Variants in FBXL17 observed in about 807,000 individuals in gnomAD.
FBXL17 encodes the protein F-box/LRR-repeat protein 17.
FBXL17 carries 22 observed loss-of-function variants against 66.2 expected under a neutral mutation model. The ratio of observed to expected loss-of-function variants is 0.33; its 90% CI spans 0.24 to 0.47. The LOEUF (loss-of-function observed/expected upper bound fraction) is 0.47. FBXL17 is among the 20% of genes least tolerant of loss of function. The probability of loss-of-function intolerance (pLI) is 1.00; values close to 1 mark genes in which losing one functional copy is unlikely to be tolerated. For synonymous variants in FBXL17, 474 were observed against 400.5 expected, an observed-to-expected ratio of 1.18 and a Z score of -2.19; for missense variants, 878 against 948.2, an observed-to-expected ratio of 0.93 and a Z score of 0.97.
intron 3 of FBXL17, among the ~76,000 whole-genome samples, chr5:108,350,024 T>C (rs1747541336): frequency 6.6e-6 from 1 of 152,234 alleles, no homozygotes; most frequent in Admixed American, 6.5e-5. Flanking sequence ...GTAGTCATCA[T>C]GCTCATTAGC....
chr5:107,900,348 A>T (rs17160708), intron 7 of FBXL17, among the ~76,000 whole-genome samples: 1,553 of 152,256 alleles, frequency 0.01, 18 homozygotes, highest in East Asian at 0.046. Context: ...TCAGGTCAAG[A>T]GAGATGTCTT....
intron 4 of FBXL17, among the ~76,000 whole-genome samples, chr5:108,253,056 G>A (rs1376923095): frequency 6.6e-6 from 1 of 152,102 alleles, no homozygotes; most frequent in Non-Finnish European, 1.5e-5. Flanking sequence ...CCCTCAGCAA[G>A]TTAAAGCAGA....
chr5:108,037,396 T>G (rs1173014974), intron 6 of FBXL17, among the ~76,000 whole-genome samples: 1 of 152,174 alleles, frequency 6.6e-6, no homozygotes, highest in Non-Finnish European at 1.5e-5. Context: ...AATACCATAG[T>G]AAGACAATAT....
chr5:107,859,914 T>C lies in FBXL17; in HGVS notation c.*1806A>G, dbSNP rs1207953659. 2 of 152,190 alleles carry C rather than the reference T, an allele frequency of 1.3e-5. No individual in the cohort carries two copies. Among genetic ancestry groups the C allele is most frequent in the African/African-American group, 2.4e-5 (1 of 41,446 alleles). The allele number at this position is 152,190 out of a possible 1,614,324, so 9.4% of individuals were successfully genotyped here. On this transcript the variant is annotated 3_prime_UTR_variant, in exon 9 of 9. Transcript: ENST00000542267. ...GGTGGGGAAGTGGATATGAAAATGA[T>C]ACAGTTCAATGTGTAAGAAGAAATA...
chr5:107,883,326 T>G (rs1748855546), intron 7 of FBXL17, among the ~76,000 whole-genome samples: 1 of 152,108 alleles, frequency 6.6e-6, no homozygotes, highest in African/African-American at 2.4e-5. Flanking sequence ...GGGAGCCAGC[T>G]CCCAGCAGAA....
intron 4 of FBXL17, among the ~76,000 whole-genome samples, chr5:108,248,952 A>T (rs939119210): frequency 2.6e-5 from 4 of 152,172 alleles, no homozygotes; most frequent in African/African-American, 9.7e-5. Context: ...GTGAAATGAA[A>T]TCCAAATGAT....
intron 7 of FBXL17, among the ~76,000 whole-genome samples, chr5:107,948,635 A>T (rs1314690251): frequency 6.6e-6 from 1 of 152,168 alleles, no homozygotes; most frequent in East Asian, 1.9e-4. Flanking sequence ...GAACCCTTCA[A>T]TGTCATGTCA....
At chr5:108,044,801 C>T (rs772688519) in intron 6 of FBXL17, among the ~76,000 whole-genome samples, 3 of 151,772 alleles carry the variant, frequency 2.0e-5, no homozygotes, top group Non-Finnish European at 4.4e-5. Flanking sequence ...TTTAAATTAT[C>T]GATGCAATTT....
chr5:108,291,926 C>A (rs1315271666), intron 4 of FBXL17, among the ~76,000 whole-genome samples: 1 of 152,084 alleles, frequency 6.6e-6, no homozygotes, highest in Non-Finnish European at 1.5e-5. Flanking sequence ...ACTATCACTG[C>A]CCTCAGTTCA....
intron 6 of FBXL17, among the ~76,000 whole-genome samples, chr5:108,042,449 C>T (rs1747088435): frequency 6.6e-6 from 1 of 152,300 alleles, no homozygotes; most frequent in African/African-American, 2.4e-5. Context: ...CCCTGGTAAC[C>T]TCTAATCTGT....
chr5:108,090,217 C>T (rs995550818), intron 6 of FBXL17, among the ~76,000 whole-genome samples: 1 of 152,112 alleles, frequency 6.6e-6, no homozygotes, highest in African/African-American at 2.4e-5. Context: ...TAGATAAAAT[C>T]TCCTGTTTTG....
intron 6 of FBXL17, among the ~76,000 whole-genome samples, chr5:108,047,250 G>A (rs76547946): frequency 0.021 from 3,133 of 152,302 alleles, 154 homozygotes; most frequent in East Asian, 0.19. Flanking sequence ...AAGAGGTGGC[G>A]AGTAAGTGTG....
intron 6 of FBXL17, among the ~76,000 whole-genome samples, chr5:108,125,373 G>A (rs1750658771): frequency 6.6e-6 from 1 of 151,858 alleles, no homozygotes; most frequent in African/African-American, 2.4e-5. Flanking sequence ...AGAAAGATGA[G>A]ATAAAGCTAC....
intron 1 of FBXL17, among the ~76,000 whole-genome samples, chr5:108,378,674 T>C (rs115660082): frequency 6.6e-6 from 1 of 152,164 alleles, no homozygotes; most frequent in Non-Finnish European, 1.5e-5. Context: ...CTTAGAAATA[T>C]CTCTTCGTGG....
At chr5:108,315,895 G>T (rs1759339996) in intron 4 of FBXL17, among the ~76,000 whole-genome samples, 1 of 151,398 alleles carries the variant, frequency 6.6e-6, no homozygotes, top group African/African-American at 2.4e-5. Flanking sequence ...CATCTTTGAT[G>T]CATAAAATAA....
chr5:107,937,653 A>G (rs1292036632), intron 7 of FBXL17, among the ~76,000 whole-genome samples: 1 of 152,132 alleles, frequency 6.6e-6, no homozygotes, highest in East Asian at 1.9e-4. Flanking sequence ...TAGAAACTGT[A>G]CCTTTATTTC....
chr5:108,167,509 A>T (rs972459542), intron 6 of FBXL17, among the ~76,000 whole-genome samples: 2 of 152,208 alleles, frequency 1.3e-5, no homozygotes, highest in African/African-American at 4.8e-5. Flanking sequence ...AAACAAAAAC[A>T]TAAAGGACTT....
chr5:107,983,533 TAAAAAA>T (rs34725446), intron 7 of FBXL17, among the ~76,000 whole-genome samples: 5 of 145,278 alleles, frequency 3.4e-5, no homozygotes, highest in African/African-American at 1.3e-4. Context: ...ATGAACTTCA[TAAAAAA>T]AAAAATACTG....
intron 7 of FBXL17, among the ~76,000 whole-genome samples, chr5:107,998,826 C>T (rs568070880): frequency 5.2e-4 from 79 of 152,300 alleles, no homozygotes; most frequent in African/African-American, 1.8e-3. Context: ...TTGACACTTG[C>T]CTCTTCAAAC....
Sources: allele counts gnomAD v4.1 joint callset (sites outside exome capture counted in the v4.1 genomes callset), GRCh38; gene constraint gnomAD v4.1.1; transcripts MANE v1.5; gene names NCBI Gene and HGNC (gene_info 2026-07-23, HGNC 2026-07-21).